The following FEM1C variants were observed in gnomAD, a reference collection of about 807,000 sequenced individuals.
FEM1C encodes the protein fem-1 homolog C, also known as protein fem-1 homolog C.
Under a neutral mutation model 37.6 loss-of-function variants are expected in FEM1C, and 15 were observed. That is an observed-to-expected ratio of 0.40 (90% CI 0.27 to 0.61). FEM1C has a LOEUF of 0.61. Among genes scored for constraint, FEM1C ranks in the 20% least tolerant of loss-of-function variants. The pLI is 0.42. For synonymous variants in FEM1C, 287 were observed against 272.8 expected (o/e 1.05, Z -0.51); for missense variants, 532 against 749.7 (o/e 0.71, Z 3.39).
chr5:115,524,537 T>C lies in FEM1C; in HGVS notation c.1625A>G (p.Asp542Gly). Residue 542 changes from aspartate (D) to glycine (G), a missense_variant, in exon 3 of 3, where the codon GAC becomes GGC. Transcript: ENST00000274457. The stretch of plus-strand genomic sequence containing the variant: ...TGATTTAATAAGGAGATTCATGATG[T>C]CTGGATGGTTGTTAAGAGCAGCGAT... The part of the protein sequence containing the change: ...LHIAALNNHP[D>G]IMNLLIKSGA... The C allele has an allele frequency of 1.9e-6, 3 of 1,613,462 alleles. No homozygotes were observed. Among genetic ancestry groups the C allele is most frequent in the Non-Finnish European group, 2.5e-6 (3 of 1,179,662 alleles).
intron 2 of FEM1C, among the ~76,000 whole-genome samples, chr5:115,535,515 G>A (rs1008811147): frequency 5.3e-5 from 8 of 151,820 alleles, no homozygotes; most frequent in Non-Finnish European, 1.0e-4. Context: ...CGTCATTAGC[G>A]ATTGGAGAAA....
In FEM1C at chr5:115,523,692, T is replaced by C. The variant is rs1324564187; in HGVS notation, c.*616A>G. 4 of 152,500 alleles carry C rather than the reference T, an allele frequency of 2.6e-5. No homozygotes were observed. Among genetic ancestry groups the C allele is most frequent in the African/African-American group, 9.7e-5 (4 of 41,416 alleles). 9.4% of individuals were successfully genotyped at this position (152,500 alleles called of 1,614,324 possible). A position where few individuals can be genotyped will look rare whatever the true frequency, so the allele number is the denominator to read the frequency against. ...CAAAAAATTAAGTTTGTAACAAACA[T>C]AAGAAAACAGTGTTTTGAGTTGAAG... On this transcript the variant is annotated 3_prime_UTR_variant, in exon 3 of 3. Coordinates refer to ENST00000274457, the MANE Select transcript of FEM1C (RefSeq NM_020177.3).
intron 2 of FEM1C, among the ~76,000 whole-genome samples, chr5:115,527,196 T>C (rs1159174163): frequency 6.6e-6 from 1 of 152,142 alleles, no homozygotes; most frequent in East Asian, 1.9e-4. Context: ...TACAGTTATA[T>C]GGTGAGTTAC....
At position 115,543,279 on chromosome 5, in the gene FEM1C, C is replaced by A. The variant is rs1754279022; in HGVS notation, c.215G>T (p.Gly72Val). Residue 72 changes from glycine (G) to valine (V), a missense_variant, in exon 2 of 3, where the codon GGC becomes GTC. Around this residue, in one of 3 missense-constraint regions of FEM1C, gnomAD observed 221 missense variants for 404.1 expected, o/e 0.55. Transcript: ENST00000274457. ...EQCSASIEVG[G>V]SVNFDGETIE... ...GGTTTCGCCATCAAAATTGACGGAGCCCCCAACTTCTATGGAGGCACTGCA... is the reference window on the plus strand; with the variant it reads ...GGTTTCGCCATCAAAATTGACGGAGACCCCAACTTCTATGGAGGCACTGCA... 1 of 1,614,028 alleles carries A rather than the reference C, an allele frequency of 6.2e-7. No individual in the cohort carries two copies. Among genetic ancestry groups the A allele is most frequent in the Non-Finnish European group, 8.5e-7 (1 of 1,180,022 alleles).
At chr5:115,536,835 C>T (rs1410990457) in intron 2 of FEM1C, among the ~76,000 whole-genome samples, 1 of 151,906 alleles carries the variant, frequency 6.6e-6, no homozygotes, top group African/African-American at 2.4e-5. Context: ...CAAAGTTAAA[C>T]GCTAAAAAAT....
chr5:115,543,055 G>A lies in FEM1C; in HGVS notation c.439C>T (p.Arg147Ter). Residue 147 changes from arginine to a stop codon, truncating the protein, a stop_gained, in exon 2 of 3, where the codon CGA becomes TGA. Coordinates refer to ENST00000274457, the MANE Select transcript of FEM1C (RefSeq NM_020177.3). LOFTEE classifies it high-confidence loss of function. ...ATCATCAAGCACGTATGCCCATGTC[G>A]GTTTGACACTTCCAAATCAGCTTTG... The part of the protein sequence containing the change: ...EHKADLEVSN[R>*]HGHTCLMISC... The A allele has an allele frequency of 6.2e-7, 1 of 1,614,118 alleles. No homozygotes were observed. Among genetic ancestry groups the A allele is most frequent in the Non-Finnish European group, 8.5e-7 (1 of 1,180,034 alleles).
At chr5:115,542,132 A>G (rs768276616) in intron 2 of FEM1C, among the ~76,000 whole-genome samples, 43 of 152,328 alleles carry the variant, frequency 2.8e-4, no homozygotes, top group Non-Finnish European at 5.6e-4. Context: ...AAATTATGCT[A>G]TCAAGGCAGT....
chr5:115,528,118 A>T (rs1209655007), intron 2 of FEM1C, among the ~76,000 whole-genome samples: 2 of 152,106 alleles, frequency 1.3e-5, no homozygotes, highest in African/African-American at 4.8e-5. Flanking sequence ...GGAGAAAAAA[A>T]GTAGCTTTAA....
At chr5:115,530,071 C>G (rs1753984143) in intron 2 of FEM1C, among the ~76,000 whole-genome samples, 1 of 151,586 alleles carries the variant, frequency 6.6e-6, no homozygotes, top group Non-Finnish European at 1.5e-5. Flanking sequence ...ACTGAAGATA[C>G]AAAGAAAAGA....
Position 115,543,566 on chromosome 5 carries a change from G to T in FEM1C, c.-73C>A. The T allele has an allele frequency of 1.3e-6, 2 of 1,514,026 alleles. No individual in the cohort carries two copies. The highest frequency in any genetic ancestry group is 2.4e-4 in the Middle Eastern group (1 of 4,170). The allele number at this position is 1,514,026 out of a possible 1,614,324, so 93.8% of individuals were successfully genotyped here. On this transcript the variant is annotated 5_prime_UTR_variant, in exon 2 of 3. Transcript: ENST00000274457. ...CTCCAGTTTAACTCTATCGACACAG[G>T]CAAGAGTCACAGGAACCAAAGTCCA... is the stretch of plus-strand genomic sequence containing the variant.
chr5:115,527,748 A>G (rs1389409136), intron 2 of FEM1C, among the ~76,000 whole-genome samples: 1 of 152,148 alleles, frequency 6.6e-6, no homozygotes, highest in Non-Finnish European at 1.5e-5. Flanking sequence ...CACGCCTGTA[A>G]TCCCAGCACT....
rs73253004 is a variant in FEM1C, at chr5:115,523,802, A to C, written c.*506T>G. 7.5e-3 allele frequency: 1,162 copies of C among 155,406 alleles called. 16 individuals are homozygous for C. Among genetic ancestry groups the C allele is most frequent in the African/African-American group, 0.026 (1,096 of 41,572 alleles). The allele number at this position is 155,406 out of a possible 1,614,324, so 9.6% of individuals were successfully genotyped here. A position where few individuals can be genotyped will look rare whatever the true frequency, so the allele number is the denominator to read the frequency against. ...ATAGAGAAGATAAAGCACTTATGGTAACTGCAAATGGTAACGAGTCCTTAA... is the reference window on the plus strand; with the variant it reads ...ATAGAGAAGATAAAGCACTTATGGTCACTGCAAATGGTAACGAGTCCTTAA... On this transcript the variant is annotated 3_prime_UTR_variant, in exon 3 of 3. Coordinates refer to ENST00000274457, the MANE Select transcript of FEM1C (RefSeq NM_020177.3).
Position 115,524,730 on chromosome 5 carries a change from T to A in FEM1C, c.1432A>T (p.Arg478Trp). Residue 478 changes from arginine (R) to tryptophan (W), a missense_variant, in exon 3 of 3, where the codon AGG becomes TGG. Arg to Trp is a moderately radical substitution (Grantham distance 101). Coordinates refer to ENST00000274457, the MANE Select transcript of FEM1C (RefSeq NM_020177.3). ...AGAGGGCTGAAGTTATTCTTTCCCC[T>A]TGGATGCAGCTTAAGAAACCTGTAT... ...TIYRFLKLHP[R>W]GKNNFSPLHL... 6.5e-7 allele frequency: 1 copy of A among 1,542,204 alleles called. No individual in the cohort carries two copies. Among genetic ancestry groups the A allele is most frequent in the Non-Finnish European group, 8.7e-7 (1 of 1,148,744 alleles).
In FEM1C at chr5:115,524,173, TATA is replaced by T. The variant is rs560733194; in HGVS notation, c.*132_*134del. 721 of 660,522 alleles carry T rather than the reference TATA, an allele frequency of 1.1e-3. No individual in the cohort carries two copies. The highest frequency in any genetic ancestry group is 1.6e-3 in the Non-Finnish European group (622 of 385,174). The allele number at this position is 660,522 out of a possible 1,614,324, so 40.9% of individuals were successfully genotyped here. Reference sequence around the variant, plus strand: ...AAACCAATGTTGTAAATTTGATGCTTATAATGCTTTAGCCAATGAGAGCACAAT... The same window carrying T: ...AAACCAATGTTGTAAATTTGATGCTTATGCTTTAGCCAATGAGAGCACAAT... On this transcript the variant is annotated 3_prime_UTR_variant, in exon 3 of 3. Transcript: ENST00000274457.
chr5:115,524,890 T>C lies in FEM1C; in HGVS notation c.1272A>G (p.Arg424=). 8 of 1,613,792 alleles carry C rather than the reference T, an allele frequency of 5.0e-6. No homozygotes were observed. Among genetic ancestry groups the C allele is most frequent in the Non-Finnish European group, 6.8e-6 (8 of 1,179,824 alleles). Residue 424 remains arginine, a synonymous_variant, in exon 3 of 3, where the codon CGA becomes CGG. Transcript: ENST00000274457. ...ILCKSVLEIE[R]AIKQTQCPAD... is the part of the protein sequence containing the mutation. ...CTGGACACTGAGTTTGTTTGATAGC[T>C]CGCTCTATTTCAAGGACGCTTTTGC...
At chr5:115,532,305 T>C (rs1364998260) in intron 2 of FEM1C, among the ~76,000 whole-genome samples, 1 of 152,132 alleles carries the variant, frequency 6.6e-6, no homozygotes, top group Admixed American at 6.6e-5. Flanking sequence ...ACTAGCAACC[T>C]GCTAAAGCTA....
At position 115,523,804 on chromosome 5, in the gene FEM1C, C is replaced by A. The variant is rs1214350251; in HGVS notation, c.*504G>T. ...AGAGAAGATAAAGCACTTATGGTAA[C>A]TGCAAATGGTAACGAGTCCTTAAGG... On this transcript the variant is annotated 3_prime_UTR_variant, in exon 3 of 3. Coordinates refer to ENST00000274457, the MANE Select transcript of FEM1C (RefSeq NM_020177.3). The A allele has an allele frequency of 1.3e-5, 2 of 155,506 alleles. No individual in the cohort carries two copies. The highest frequency in any genetic ancestry group is 1.9e-4 in the East Asian group (1 of 5,196). 9.6% of individuals were successfully genotyped at this position (155,506 alleles called of 1,614,324 possible).
chr5:115,543,292 T>C lies in FEM1C; in HGVS notation c.202A>G (p.Ile68Val), dbSNP rs1317471608. The change falls in exon 2 of 3, where the codon ATA becomes GTA. Residue 68 changes from isoleucine to valine, a missense_variant. This residue lies in a region of FEM1C where 74 missense variants were observed against 85.0 expected (regional missense o/e 0.87). Coordinates refer to ENST00000274457, the MANE Select transcript of FEM1C (RefSeq NM_020177.3). ...EFLLEQCSAS[I>V]EVGGSVNFDG... ...AAATTGACGGAGCCCCCAACTTCTA[T>C]GGAGGCACTGCATTGCTCTAGGAGG... 5.6e-6 allele frequency: 9 copies of C among 1,614,212 alleles called. 1 individual carries two copies. Among genetic ancestry groups the C allele is most frequent in the Middle Eastern group, 1.7e-4 (1 of 6,060 alleles).
chr5:115,528,064 G>A (rs890951403), intron 2 of FEM1C, among the ~76,000 whole-genome samples: 7 of 145,534 alleles, frequency 4.8e-5, no homozygotes, highest in East Asian at 2.0e-4. Flanking sequence ...TGTATTTATC[G>A]AAAAAATACA....
Sources: gnomAD v4.1 joint callset for allele counts (sites outside exome capture counted in the v4.1 genomes callset) on GRCh38, gnomAD v4.1.1 for gene constraint, gnomAD v4.1.1 regional missense constraint, MANE v1.5 for transcripts, NCBI Gene and HGNC (gene_info 2026-07-23, HGNC 2026-07-21) for gene names.